Variants in SENP7 observed in about 807,000 individuals in gnomAD.
SENP7 encodes the protein sentrin-specific protease 7.
Under a neutral mutation model 141.2 loss-of-function variants are expected in SENP7, and 64 were observed. That is an observed-to-expected ratio of 0.45 (90% CI 0.37 to 0.56). The LOEUF is 0.56. SENP7 is among the 20% of genes least tolerant of loss of function. SENP7 has a pLI of 0.00. For synonymous variants in SENP7, 382 were observed against 426.4 expected (o/e 0.90, Z 1.28); for missense variants, 1,025 against 1,212.2 (o/e 0.85, Z 2.29).
chr3:101,415,786 G>T (rs2061600749), intron 5 of SENP7, among the ~76,000 whole-genome samples: 1 of 152,028 alleles, frequency 6.6e-6, no homozygotes, highest in Non-Finnish European at 1.5e-5. Context: ...GCCCCAGCAT[G>T]GCACCTTATT....
intron 6 of SENP7, among the ~76,000 whole-genome samples, chr3:101,380,614 G>T (rs1303606330): frequency 1.3e-5 from 2 of 148,514 alleles, no homozygotes; most frequent in Non-Finnish European, 3.0e-5. Flanking sequence ...ACTCCAGCCT[G>T]GGCAACATAG....
At chr3:101,438,884 C>T (rs1377348000) in intron 4 of SENP7, among the ~76,000 whole-genome samples, 66 of 151,372 alleles carry the variant, frequency 4.4e-4, no homozygotes, top group African/African-American at 1.5e-3. Flanking sequence ...CCGCGGGGCC[C>T]GAGGGCAAGG....
chr3:101,420,506 C>T (rs1394368010), intron 4 of SENP7, among the ~76,000 whole-genome samples: 2 of 152,192 alleles, frequency 1.3e-5, no homozygotes, highest in East Asian at 3.8e-4. Flanking sequence ...GTGAGATTAA[C>T]ACATTTATAA....
chr3:101,484,453 A>T (rs1198388303), intron 3 of SENP7, among the ~76,000 whole-genome samples: 3 of 152,134 alleles, frequency 2.0e-5, no homozygotes, highest in African/African-American at 4.8e-5. Context: ...TTAGCCCCAG[A>T]TCGACAGCAA....
intron 17 of SENP7, 136 bp downstream of exon 17, chr3:101,337,373 G>T: frequency 2.0e-6 from 1 of 512,566 alleles, no homozygotes; most frequent in Non-Finnish European, 3.3e-6. Context: ...TGGCTCTCAT[G>T]GCAAACAGAC....
intron 4 of SENP7, among the ~76,000 whole-genome samples, chr3:101,446,860 A>C (rs1353241405): frequency 6.6e-6 from 1 of 152,222 alleles, no homozygotes; most frequent in African/African-American, 2.4e-5. Flanking sequence ...ATGGACTAGA[A>C]AAGCAAGAAC....
chr3:101,464,057 T>C (rs6441609), intron 3 of SENP7, among the ~76,000 whole-genome samples: 60,220 of 151,692 alleles, frequency 0.4, 12,458 homozygotes, highest in Admixed American at 0.54. Flanking sequence ...AACTCATGAC[T>C]TCAGGTGATC....
intron 3 of SENP7, among the ~76,000 whole-genome samples, chr3:101,463,143 A>G (rs1246806394): frequency 6.6e-6 from 1 of 151,750 alleles, no homozygotes; most frequent in African/African-American, 2.4e-5. Flanking sequence ...AGGCAGGAAG[A>G]TCACTTGACG....
At chr3:101,466,953 C>T (rs1027569046) in intron 3 of SENP7, among the ~76,000 whole-genome samples, 2 of 152,148 alleles carry the variant, frequency 1.3e-5, no homozygotes, top group African/African-American at 2.4e-5. Flanking sequence ...TGACAGGCTA[C>T]GTGGAAAAAT....
chr3:101,486,317 G>A (rs958769027), intron 3 of SENP7, among the ~76,000 whole-genome samples: 7 of 152,170 alleles, frequency 4.6e-5, no homozygotes, highest in Middle Eastern at 6.8e-3. Flanking sequence ...TCAGGTTACC[G>A]AAAGACAAGA....
At chr3:101,424,960 T>G (rs761716778) in intron 4 of SENP7, among the ~76,000 whole-genome samples, 4 of 152,154 alleles carry the variant, frequency 2.6e-5, no homozygotes, top group Non-Finnish European at 5.9e-5. Context: ...CCTCATGAGA[T>G]CTAATGGTTT....
intron 11 of SENP7, among the ~76,000 whole-genome samples, chr3:101,353,154 T>C (rs571141252): frequency 4.6e-5 from 7 of 152,128 alleles, no homozygotes; most frequent in Non-Finnish European, 8.8e-5. Flanking sequence ...ACTGCCACCA[T>C]ATTTAATGTA....
At chr3:101,509,170 CTGATT>C (rs1391564367) in intron 1 of SENP7, among the ~76,000 whole-genome samples, 1 of 152,052 alleles carries the variant, frequency 6.6e-6, no homozygotes, top group Non-Finnish European at 1.5e-5. Context: ...CCCTACCAAC[CTGATT>C]TAAGTCTCTC....
Position 101,343,958 on chromosome 3 carries a change from C to A in SENP7, c.1838-4G>T, listed in dbSNP as rs1360678928. On this transcript the variant is annotated splice_region_variant and splice_polypyrimidine_tract_variant and intron_variant, in intron 13 of 23. Transcript: ENST00000394095. ...AAAATGAATTCACTAGATTTTGCTA[C>A]AAAAGGAAAAAATAATTTGTATCAA... 1.5e-5 allele frequency: 23 copies of A among 1,516,524 alleles called. No individual in the cohort carries two copies. Among genetic ancestry groups the A allele is most frequent in the African/African-American group, 7.0e-5 (5 of 71,022 alleles). 93.9% of individuals were successfully genotyped at this position (1,516,524 alleles called of 1,614,324 possible). A position where few individuals can be genotyped will look rare whatever the true frequency, so the allele number is the denominator to read the frequency against.
At chr3:101,365,053 G>T in intron 9 of SENP7, 62 bp from the exon 10 acceptor site, 1 of 1,090,868 alleles carries the variant, frequency 9.2e-7, no homozygotes, top group East Asian at 3.1e-5. Flanking sequence ...TATTTTTTGA[G>T]ACACAGTCTC....
chr3:101,481,068 G>T (rs2064454356), intron 3 of SENP7, among the ~76,000 whole-genome samples: 1 of 142,946 alleles, frequency 7.0e-6, no homozygotes, highest in Admixed American at 6.9e-5. Flanking sequence ...ACAGTATGGA[G>T]ATTTCCCCAA....
intron 2 of SENP7, among the ~76,000 whole-genome samples, chr3:101,499,765 G>A (rs1454815790): frequency 6.6e-6 from 1 of 152,040 alleles, no homozygotes; most frequent in East Asian, 1.9e-4. Flanking sequence ...TCGATCTCCT[G>A]ACCTCGTGAT....
chr3:101,345,606 C>T lies in SENP7; in HGVS notation c.1838-1652G>A, dbSNP rs191678226. ...TTAATTTTGTATCCTGAAACAGTGA[C>T]AGTTTGACTTCCCCTTTACAGATTT... is the stretch of plus-strand genomic sequence containing the variant. On this transcript the variant is annotated intron_variant, in intron 13 of 23. Transcript: ENST00000394095. 2.2e-4 allele frequency among the ~76,000 whole-genome samples: 33 copies of T among 152,238 alleles called. 1 individual carries two copies. The highest frequency in any genetic ancestry group is 1.7e-3 in the Admixed American group (26 of 15,292).
intron 2 of SENP7, among the ~76,000 whole-genome samples, chr3:101,497,799 A>G (rs1483248894): frequency 6.6e-6 from 1 of 152,152 alleles, no homozygotes; most frequent in Non-Finnish European, 1.5e-5. Context: ...GCTCTGCCTT[A>G]CATAAGAATT....
Sources: gnomAD v4.1 joint callset for allele counts (sites outside exome capture counted in the v4.1 genomes callset) on GRCh38, gnomAD v4.1.1 for gene constraint, MANE v1.5 for transcripts, NCBI Gene and HGNC (gene_info 2026-07-23, HGNC 2026-07-21) for gene names.